The following BICC1 variants were observed in gnomAD, a reference collection of about 807,000 sequenced individuals.
The protein encoded by BICC1 is BicC family RNA binding protein 1.
Under a neutral mutation model 111.0 loss-of-function variants are expected in BICC1, and 43 were observed. The ratio of observed to expected loss-of-function variants is 0.39; its 90% confidence interval spans 0.30 to 0.50. The LOEUF is 0.50. BICC1 is among the 20% of genes least tolerant of loss of function. BICC1 has a pLI of 0.88. For missense variants in BICC1, 1,091 were observed against 1,203.2 expected (o/e 0.91, Z 1.38); for synonymous variants, 467 against 434.4 (o/e 1.07, Z -0.93).
At chr10:58,530,010 G>A (rs921528678) in intron 1 of BICC1, among the ~76,000 whole-genome samples, 5 of 151,468 alleles carry the variant, frequency 3.3e-5, no homozygotes, top group Non-Finnish European at 5.9e-5. Context: ...CATCTACAAT[G>A]GGAAATTGTT....
intron 3 of BICC1, among the ~76,000 whole-genome samples, chr10:58,706,881 A>G (rs1039379985): frequency 7.5e-6 from 1 of 133,796 alleles, no homozygotes; most frequent in South Asian, 2.8e-4. Context: ...CTATGAAAAC[A>G]GACTAATACA....
At chr10:58,806,296 A>G (rs1843706101) in intron 15 of BICC1, among the ~76,000 whole-genome samples, 2 of 152,200 alleles carry the variant, frequency 1.3e-5, no homozygotes, top group South Asian at 2.1e-4. Flanking sequence ...TGTGCTAGGT[A>G]TTTATGGTAA....
intron 3 of BICC1, among the ~76,000 whole-genome samples, chr10:58,775,043 A>T (rs1336509883): frequency 6.6e-6 from 1 of 152,148 alleles, no homozygotes; most frequent in Non-Finnish European, 1.5e-5. Flanking sequence ...TAGAAAAAAC[A>T]GTTTTAAAGG....
intron 1 of BICC1, among the ~76,000 whole-genome samples, chr10:58,615,044 C>T (rs1446498999): frequency 6.6e-6 from 1 of 151,384 alleles, no homozygotes; most frequent in African/African-American, 2.4e-5. Flanking sequence ...TATTTTTAGC[C>T]TTAGACAAAG....
chr10:58,594,538 C>G (rs1377346388), intron 1 of BICC1, among the ~76,000 whole-genome samples: 1 of 152,128 alleles, frequency 6.6e-6, no homozygotes, highest in Admixed American at 6.5e-5. Context: ...CCGTAGAAAC[C>G]CTACAAGCCA....
chr10:58,708,000 TAA>T (rs1564566730), intron 3 of BICC1, among the ~76,000 whole-genome samples: 23 of 38,544 alleles, frequency 6.0e-4, no homozygotes, highest in African/African-American at 2.7e-3. Context: ...CCTAGCCAGC[TAA>T]TTTTTTTTTT....
intron 9 of BICC1, 115 bp from the exon 10 acceptor site, chr10:58,796,225 A>G (rs1275386987): frequency 5.9e-6 from 5 of 841,770 alleles, no homozygotes; most frequent in Admixed American, 5.3e-5. Context: ...CAGCATTGAT[A>G]TGTCCCCTGA....
At chr10:58,595,370 A>G (rs1352973277) in intron 1 of BICC1, among the ~76,000 whole-genome samples, 1 of 152,224 alleles carries the variant, frequency 6.6e-6, no homozygotes, top group Admixed American at 6.5e-5. Flanking sequence ...TGGACCTAAT[A>G]GACATCTACA....
At chr10:58,516,813 G>T (rs1842254108) in intron 1 of BICC1, among the ~76,000 whole-genome samples, 1 of 152,044 alleles carries the variant, frequency 6.6e-6, no homozygotes, top group South Asian at 2.1e-4. Context: ...TTAACTCAAA[G>T]TTATAAGTTA....
chr10:58,788,418 A>G lies in BICC1; in HGVS notation c.595A>G (p.Ile199Val). 1 of 1,608,326 alleles carries G rather than the reference A, an allele frequency of 6.2e-7. No homozygotes were observed. The highest frequency in any genetic ancestry group is 8.5e-7 in the Non-Finnish European group (1 of 1,175,032). ...PAGVESARVRIRELLPLVLMF... is the reference protein window; with the variant it reads ...PAGVESARVRVRELLPLVLMF... ...AGGAGTAGAATCTGCCCGAGTTAGA[A>G]TTCGGGTAACTATTTATTACTTTAA... is the stretch of plus-strand genomic sequence containing the variant. Residue 199 changes from isoleucine (I) to valine (V), a missense_variant, in exon 6 of 21, where the codon ATT becomes GTT. Ile to Val is a conservative substitution (Grantham distance 29, BLOSUM62 3). Coordinates refer to ENST00000373886, the MANE Select transcript of BICC1 (RefSeq NM_001080512.3).
intron 2 of BICC1, among the ~76,000 whole-genome samples, chr10:58,692,924 A>T (rs1176605794): frequency 6.6e-6 from 1 of 151,548 alleles, no homozygotes; most frequent in Admixed American, 6.6e-5. Flanking sequence ...GGTTTGTTAC[A>T]TATGTATACA....
At chr10:58,796,232 CT>C in intron 9 of BICC1, 107 bp from the exon 10 acceptor site, 1 of 918,014 alleles carries the variant, frequency 1.1e-6, no homozygotes, top group South Asian at 1.6e-5. Flanking sequence ...GATATGTCCC[CT>C]GAGTGGAATT....
At chr10:58,531,941 A>G (rs1475483231) in intron 1 of BICC1, among the ~76,000 whole-genome samples, 1 of 151,852 alleles carries the variant, frequency 6.6e-6, no homozygotes, top group Non-Finnish European at 1.5e-5. Context: ...GGCGCCATCA[A>G]GTGAATCAAT....
intron 14 of BICC1, among the ~76,000 whole-genome samples, chr10:58,802,481 TG>T (rs1202229928): frequency 6.6e-6 from 1 of 152,224 alleles, no homozygotes; most frequent in Non-Finnish European, 1.5e-5. Context: ...ACATATCATG[TG>T]TTGTAATTCA....
chr10:58,680,991 C>T (rs1400271309), intron 2 of BICC1, among the ~76,000 whole-genome samples: 3 of 152,094 alleles, frequency 2.0e-5, no homozygotes, highest in Non-Finnish European at 2.9e-5. Flanking sequence ...TGAAACTGGA[C>T]CCCTTCCTTA....
chr10:58,597,686 T>TC (rs1254500013), intron 1 of BICC1, among the ~76,000 whole-genome samples: 10 of 151,802 alleles, frequency 6.6e-5, no homozygotes, highest in Non-Finnish European at 1.0e-4. Flanking sequence ...ATTATTGACC[T>TC]CCCCCCAGGA....
chr10:58,777,211 G>C (rs1464865934), intron 3 of BICC1, among the ~76,000 whole-genome samples: 6 of 151,490 alleles, frequency 4.0e-5, no homozygotes, highest in Non-Finnish European at 8.8e-5. Context: ...CCATAACTCT[G>C]TTTCTGATTA....
chr10:58,558,435 T>C (rs756011202), intron 1 of BICC1, among the ~76,000 whole-genome samples: 3 of 152,086 alleles, frequency 2.0e-5, no homozygotes, highest in Non-Finnish European at 2.9e-5. Flanking sequence ...ATCTGTAAGT[T>C]CTCCTGGCAA....
At chr10:58,562,853 C>T (rs914718461) in intron 1 of BICC1, among the ~76,000 whole-genome samples, 4 of 152,006 alleles carry the variant, frequency 2.6e-5, no homozygotes, top group East Asian at 1.9e-4. Flanking sequence ...CTTTCTTTGG[C>T]GTATTCAGTG....
Sources: allele counts gnomAD v4.1 joint callset (sites outside exome capture counted in the v4.1 genomes callset), GRCh38; gene constraint gnomAD v4.1.1; transcripts MANE v1.5; gene names NCBI Gene and HGNC (gene_info 2026-07-23, HGNC 2026-07-21).